CCDC88C: variants seen among roughly 807,000 people sequenced by gnomAD.
CCDC88C encodes the protein coiled-coil and HOOK domain protein 88C, also known as protein Daple.
In CCDC88C, 131 loss-of-function variants were observed where a neutral mutation model predicts 198.8. That is an observed-to-expected ratio of 0.66 (90% CI 0.57 to 0.76). The LOEUF is 0.76. CCDC88C is among the 30% of genes least tolerant of loss of function. CCDC88C has a pLI of 0.00. For missense variants in CCDC88C, 2,553 were observed against 2,631.6 expected, an observed-to-expected ratio of 0.97 and a Z score of 0.65; for synonymous variants, 1,166 against 1,114.7, an observed-to-expected ratio of 1.05 and a Z score of -0.92.
intron 4 of CCDC88C, among the ~76,000 whole-genome samples, chr14:91,357,748 C>A (rs1467472480): frequency 2.6e-5 from 4 of 152,226 alleles, no homozygotes; most frequent in African/African-American, 9.6e-5. Flanking sequence ...CTGAAGTTAC[C>A]AGAAATCATG....
chr14:91,328,696 T>C (rs989401993), intron 10 of CCDC88C, among the ~76,000 whole-genome samples: 2 of 152,144 alleles, frequency 1.3e-5, no homozygotes, highest in African/African-American at 4.8e-5. Context: ...GGATTCCTCC[T>C]TTACACGATG....
At chr14:91,394,933 C>T (rs1417519899) in intron 3 of CCDC88C, among the ~76,000 whole-genome samples, 1 of 152,060 alleles carries the variant, frequency 6.6e-6, no homozygotes, top group African/African-American at 2.4e-5. Context: ...GGGTGGGGGG[C>T]CTGCCTGCCA....
rs566684801 is a variant in CCDC88C, at chr14:91,275,613, G to A, written c.5059-1960C>T. ...CTGCCTCAACCTCCCGAGTAGCTGG[G>A]ATCACAGGCACCCACCACCATGACC... is the stretch of plus-strand genomic sequence containing the variant. On this transcript the variant is annotated intron_variant, in intron 29 of 29. Transcript: ENST00000389857. Among the ~76,000 whole-genome samples, 297 of 151,984 alleles carry A rather than the reference G, an allele frequency of 2.0e-3. 1 individual carries two copies. Among genetic ancestry groups the A allele is most frequent in the Middle Eastern group, 3.4e-3 (1 of 292 alleles).
chr14:91,324,087 C>G (rs905358514), intron 12 of CCDC88C, among the ~76,000 whole-genome samples: 3 of 152,248 alleles, frequency 2.0e-5, no homozygotes, highest in Non-Finnish European at 4.4e-5. Context: ...TGCACGGGAA[C>G]GGTGAGCGTG....
At chr14:91,417,512 C>T (rs1346377727) in intron 1 of CCDC88C, 119 bp downstream of exon 1, 17 of 807,966 alleles carry the variant, frequency 2.1e-5, no homozygotes, top group Non-Finnish European at 2.9e-5. Flanking sequence ...CCACTTGCTG[C>T]GTCCCTCGCG....
At chr14:91,400,020 C>A (rs1308507781) in intron 3 of CCDC88C, among the ~76,000 whole-genome samples, 1 of 151,988 alleles carries the variant, frequency 6.6e-6, no homozygotes, top group Non-Finnish European at 1.5e-5. Flanking sequence ...GCCAGTCAAC[C>A]CCACCAGCCG....
chr14:91,404,101 T>G (rs1228625582), intron 3 of CCDC88C, among the ~76,000 whole-genome samples: 1 of 152,196 alleles, frequency 6.6e-6, no homozygotes, highest in Non-Finnish European at 1.5e-5. Context: ...ATATCCCATT[T>G]GAGGGTGCTG....
At chr14:91,363,409 C>A (rs1894397313) in intron 3 of CCDC88C, among the ~76,000 whole-genome samples, 1 of 151,938 alleles carries the variant, frequency 6.6e-6, no homozygotes, top group Non-Finnish European at 1.5e-5. Flanking sequence ...CCTTGCCCGG[C>A]CTTTGCATTC....
rs188661726 is a variant in CCDC88C at position 91,376,210 on chromosome 14, C to T, written c.271-16499G>A. 2.0e-5 allele frequency among the ~76,000 whole-genome samples: 3 copies of T among 152,280 alleles called. No individual in the cohort carries two copies. In the East Asian group the frequency reaches 5.8e-4, roughly 29 times the overall value. On this transcript the variant is annotated intron_variant, in intron 3 of 29. Coordinates refer to ENST00000389857, the MANE Select transcript of CCDC88C (RefSeq NM_001080414.4). Reference sequence around the variant, plus strand: ...GGCTTCTCTCCTGTGAGCTCAGAGCCTCCTGAAACACCCAGGTGCTCGTCG... The same window carrying T: ...GGCTTCTCTCCTGTGAGCTCAGAGCTTCCTGAAACACCCAGGTGCTCGTCG...
intron 10 of CCDC88C, among the ~76,000 whole-genome samples, chr14:91,336,012 C>T (rs1893028557): frequency 6.6e-6 from 1 of 152,182 alleles, no homozygotes; most frequent in African/African-American, 2.4e-5. Flanking sequence ...ACTACCTATC[C>T]CTGAGTAAAT....
chr14:91,372,076 C>T (rs1471228292), intron 3 of CCDC88C, among the ~76,000 whole-genome samples: 4 of 152,104 alleles, frequency 2.6e-5, no homozygotes, highest in African/African-American at 9.7e-5. Context: ...GCCTCCTTGT[C>T]CAGTGTCCCA....
chr14:91,410,367 A>G (rs1382932007), intron 2 of CCDC88C, among the ~76,000 whole-genome samples: 1 of 152,194 alleles, frequency 6.6e-6, no homozygotes, highest in East Asian at 1.9e-4. Flanking sequence ...CTTGGGGGTT[A>G]GTGTGGGGAG....
At chr14:91,315,616 T>C in intron 14 of CCDC88C, 34 bp downstream of exon 14, 1 of 1,612,092 alleles carries the variant, frequency 6.2e-7, no homozygotes, top group Non-Finnish European at 8.5e-7. Flanking sequence ...CAGGCAGGGG[T>C]TCTAGGAGAG....
In CCDC88C at chr14:91,313,220, C is replaced by T. The variant is rs1435770351; in HGVS notation, c.2596G>A (p.Glu866Lys). The change falls in exon 15 of 30, where the codon GAG becomes AAG. Residue 866 changes from glutamate (E) to lysine (K), a missense_variant. Glu to Lys is a moderately conservative substitution (Grantham distance 56). This residue lies in a region of CCDC88C where 1,260 missense variants were observed against 1,412.0 expected (regional missense o/e 0.89). Transcript: ENST00000389857. This position sits in a 1 kb window ranked among gnomAD's most constrained non-coding sequence, Gnocchi z 5.2. The part of the protein sequence containing the change: ...DDSTAKLSAV[E>K]KESRALDKEL... ...TTGTCCAGCGCGCGGCTCTCCTTCT[C>T]AACGGCGGACAGTTTGGCAGTGCTA... 1.2e-6 allele frequency: 2 copies of T among 1,613,850 alleles called. No individual in the cohort carries two copies. Among genetic ancestry groups the T allele is most frequent in the Non-Finnish European group, 1.7e-6 (2 of 1,179,916 alleles).
chr14:91,393,243 A>C (rs1187023255), intron 3 of CCDC88C, among the ~76,000 whole-genome samples: 1 of 152,142 alleles, frequency 6.6e-6, no homozygotes, highest in Non-Finnish European at 1.5e-5. Context: ...GCCCTGGAGG[A>C]CAAGAGGAGC....
chr14:91,343,900 G>A (rs939918065), intron 4 of CCDC88C, among the ~76,000 whole-genome samples: 3 of 151,996 alleles, frequency 2.0e-5, no homozygotes, highest in Non-Finnish European at 4.4e-5. Context: ...GCTCATTGCA[G>A]CCTTGACCTC....
intron 13 of CCDC88C, among the ~76,000 whole-genome samples, chr14:91,316,266 T>C (rs559977572): frequency 6.6e-6 from 1 of 152,334 alleles, no homozygotes; most frequent in African/African-American, 2.4e-5. Flanking sequence ...ACATTTTGTC[T>C]GGCCTGGACA....
At chr14:91,363,660 C>T (rs1894407248) in intron 3 of CCDC88C, among the ~76,000 whole-genome samples, 1 of 152,178 alleles carries the variant, frequency 6.6e-6, no homozygotes, top group African/African-American at 2.4e-5. Flanking sequence ...AAAAGTTTTC[C>T]TACAACTGAA....
intron 27 of CCDC88C, 118 bp from the exon 28 acceptor site, chr14:91,279,424 C>A: frequency 1.2e-6 from 1 of 807,898 alleles, no homozygotes; most frequent in Non-Finnish European, 1.9e-6. Flanking sequence ...GCCCAACGCC[C>A]TCAGGAAGGA....
Sources: gnomAD v4.1 joint callset for allele counts (sites outside exome capture counted in the v4.1 genomes callset) on GRCh38, gnomAD v4.1.1 for gene constraint, gnomAD v4.1.1 regional missense constraint, Gnocchi (gnomAD v3.1) non-coding constraint, MANE v1.5 for transcripts, NCBI Gene and HGNC (gene_info 2026-07-23, HGNC 2026-07-21) for gene names.